Variants in OTUB2 observed in about 807,000 individuals in gnomAD.
The protein encoded by OTUB2 is ubiquitin thioesterase OTUB2.
OTUB2 carries 21 observed loss-of-function variants against 25.1 expected under a neutral mutation model. That is an observed-to-expected ratio of 0.84 (90% CI 0.59 to 1.21). The LOEUF is 1.21. OTUB2 is among the 50% of genes most tolerant of loss of function. The probability of loss-of-function intolerance (pLI) is 0.00; values close to 1 mark genes in which losing one functional copy is unlikely to be tolerated. For missense variants in OTUB2, 283 were observed against 298.0 expected (o/e 0.95, Z 0.37); for synonymous variants, 122 against 122.8 (o/e 0.99, Z 0.04).
rs115020671 is a variant in OTUB2, at chr14:94,033,562, T to C, written c.4-3818T>C. Among the ~76,000 whole-genome samples the C allele has an allele frequency of 3.7e-3, 566 of 152,370 alleles. 6 individuals are homozygous for C. Among genetic ancestry groups the C allele is most frequent in the African/African-American group, 0.013 (551 of 41,590 alleles). ...GTCCAAGCACAAGCAGTGTTAACTA[T>C]AGTTGTTCTACTTTTTGATCTATGA... On this transcript the variant is annotated intron_variant, in intron 1 of 5. Transcript: ENST00000203664.
intron 1 of OTUB2, among the ~76,000 whole-genome samples, 200 bp from the exon 2 acceptor site, chr14:94,037,180 C>G: frequency 6.6e-6 from 1 of 152,240 alleles, no homozygotes; most frequent in Non-Finnish European, 1.5e-5. Flanking sequence ...ACGATGGCCC[C>G]GACCCTGACT....
intron 3 of OTUB2, among the ~76,000 whole-genome samples, chr14:94,041,340 G>A (rs1885157707): frequency 6.6e-6 from 1 of 152,242 alleles, no homozygotes; most frequent in Admixed American, 6.5e-5. Flanking sequence ...GGTGTCTGGT[G>A]GGCAGTGGAG....
At chr14:94,026,615 G>T in intron 1 of OTUB2, 75 bp downstream of exon 1, 1 of 1,020,274 alleles carries the variant, frequency 9.8e-7, no homozygotes, top group Non-Finnish European at 1.3e-6. Flanking sequence ...CGGAGCGGGT[G>T]CACCCGCGGG....
At chr14:94,040,309 C>T (rs1885136995) in intron 3 of OTUB2, among the ~76,000 whole-genome samples, 1 of 152,224 alleles carries the variant, frequency 6.6e-6, no homozygotes. Context: ...CATTCCCCTC[C>T]CCAACTTTCT....
Position 94,043,964 on chromosome 14 carries a change from T to A in OTUB2, c.219-7T>A. On this transcript the variant is annotated splice_region_variant and splice_polypyrimidine_tract_variant and intron_variant, in intron 3 of 5. Coordinates refer to ENST00000203664, the MANE Select transcript of OTUB2 (RefSeq NM_023112.4). Reference sequence around the variant, plus strand: ...CCCTGTAAACACTCAGTCTTCCCCCTCTGTAGGTTCAAAGAACGCGTACTG... The same window carrying A: ...CCCTGTAAACACTCAGTCTTCCCCCACTGTAGGTTCAAAGAACGCGTACTG... 1 of 1,613,662 alleles carries A rather than the reference T, an allele frequency of 6.2e-7. No homozygotes were observed. Among genetic ancestry groups the A allele is most frequent in the Non-Finnish European group, 8.5e-7 (1 of 1,179,538 alleles).
At chr14:94,037,862 C>T (rs1039655156) in intron 2 of OTUB2, among the ~76,000 whole-genome samples, 2 of 152,204 alleles carry the variant, frequency 1.3e-5, no homozygotes, top group Admixed American at 1.3e-4. Flanking sequence ...GAGTCTCAAG[C>T]CACATTCATA....
intron 1 of OTUB2, among the ~76,000 whole-genome samples, chr14:94,034,732 C>T (rs1258855904): frequency 2.0e-5 from 3 of 152,216 alleles, no homozygotes; most frequent in African/African-American, 7.2e-5. Context: ...CTTTCAGCCT[C>T]ACGCTCGCAG....
At chr14:94,039,189 G>A (rs946320273) in intron 3 of OTUB2, 108 bp downstream of exon 3, 1 of 843,420 alleles carries the variant, frequency 1.2e-6, no homozygotes, top group African/African-American at 1.7e-5. Context: ...CCCAGAGAAT[G>A]AGCTGAAGAG....
chr14:94,043,936 T>G, intron 3 of OTUB2, 35 bp from the exon 4 acceptor site: 1 of 1,587,970 alleles, frequency 6.3e-7, no homozygotes, highest in Non-Finnish European at 8.6e-7. Context: ...TCTCGCTGTG[T>G]TTCCCTGTAA....
chr14:94,031,957 A>G (rs1884970474), intron 1 of OTUB2, among the ~76,000 whole-genome samples: 1 of 152,184 alleles, frequency 6.6e-6, no homozygotes, highest in East Asian at 1.9e-4. Flanking sequence ...TTTAAAAGCA[A>G]TCACGAATGA....
intron 1 of OTUB2, among the ~76,000 whole-genome samples, chr14:94,029,207 G>A (rs1466309575): frequency 6.6e-6 from 1 of 152,230 alleles, no homozygotes; most frequent in Admixed American, 6.5e-5. Context: ...AGTGGACACA[G>A]GGTTGGAGGT....
In OTUB2 at chr14:94,044,688, C is replaced by T. The variant is rs755006089; in HGVS notation, c.406C>T (p.Arg136Cys). 5.0e-6 allele frequency: 8 copies of T among 1,614,084 alleles called. No homozygotes were observed. The highest frequency in any genetic ancestry group is 2.2e-5 in the South Asian group (2 of 91,082). ...CTCGGACCACATCGTGCAGTTCCTG[C>T]GCCTGCTCACGTCGGCCTTCATCAG... is the stretch of plus-strand genomic sequence containing the variant. ...SASDHIVQFL[R>C]LLTSAFIRNR... Residue 136 changes from arginine (R) to cysteine (C), a missense_variant, in exon 5 of 6, where the codon CGC (arginine) becomes TGC (cysteine). Physicochemically the swap from Arg to Cys is radical, Grantham distance 180. Coordinates refer to ENST00000203664, the MANE Select transcript of OTUB2 (RefSeq NM_023112.4).
chr14:94,046,392 T>C lies in OTUB2; in HGVS notation c.*470T>C. On this transcript the variant is annotated 3_prime_UTR_variant, in exon 6 of 6. Coordinates refer to ENST00000203664, the MANE Select transcript of OTUB2 (RefSeq NM_023112.4). ...AGTCCAGTCCAGTCACTTGTTGGAC[T>C]GGGCTCTGACAGATGGCCTATTGAG... 5.4e-6 allele frequency: 1 copy of C among 185,190 alleles called. No homozygotes were observed. The highest frequency in any genetic ancestry group is 2.3e-5 in the African/African-American group (1 of 43,270). The allele number at this position is 185,190 out of a possible 1,614,324, so 11.5% of individuals were successfully genotyped here.
At chr14:94,028,630 GC>G (rs2141405896) in intron 1 of OTUB2, among the ~76,000 whole-genome samples, 1 of 152,358 alleles carries the variant, frequency 6.6e-6, no homozygotes, top group African/African-American at 2.4e-5. Flanking sequence ...TGTCAAACAG[GC>G]CCCCAGTGGG....
At chr14:94,032,227 C>T (rs757552463) in intron 1 of OTUB2, among the ~76,000 whole-genome samples, 11 of 152,154 alleles carry the variant, frequency 7.2e-5, no homozygotes, top group Non-Finnish European at 1.5e-4. Context: ...TGCGCTGGAG[C>T]TAGCCCAAGG....
rs778925998 is a variant in OTUB2, at chr14:94,044,743, T to C, written c.461T>C (p.Ile154Thr). The C allele has an allele frequency of 3.7e-6, 6 of 1,613,642 alleles. No homozygotes were observed. Among genetic ancestry groups the C allele is most frequent in the African/African-American group, 2.7e-5 (2 of 74,942 alleles). ...CGAGCAGACTTCTTCCGGCACTTCA[T>C]TGATGAGGAGATGGACATCAAAGAC... Reference protein sequence around the residue: ...RNRADFFRHFIDEEMDIKDFC... With the variant: ...RNRADFFRHFTDEEMDIKDFC... Residue 154 changes from isoleucine (I) to threonine (T), a missense_variant, in exon 5 of 6, where the codon ATT (isoleucine) becomes ACT (threonine). By Grantham distance (89) the Ile-to-Thr change is moderately conservative (BLOSUM62 -1). Coordinates refer to ENST00000203664, the MANE Select transcript of OTUB2 (RefSeq NM_023112.4).
chr14:94,045,926 A>G lies in OTUB2; in HGVS notation c.*4A>G, dbSNP rs1567054600. 1 of 1,613,514 alleles carries G rather than the reference A, an allele frequency of 6.2e-7. No homozygotes were observed. The highest frequency in any genetic ancestry group is 8.5e-7 in the Non-Finnish European group (1 of 1,179,412). ...TTATGCAGCCGATAAACATTGATTA[A>G]TTTTAGGCCATGCAGTGGAACCTGT... On this transcript the variant is annotated 3_prime_UTR_variant, in exon 6 of 6. Transcript: ENST00000203664.
intron 3 of OTUB2, among the ~76,000 whole-genome samples, chr14:94,041,966 G>T (rs1332700719): frequency 6.6e-6 from 1 of 152,226 alleles, no homozygotes; most frequent in Non-Finnish European, 1.5e-5. Context: ...TAGCGTCAGC[G>T]TCATGCATCC....
chr14:94,026,596 G>A (rs939723637), intron 1 of OTUB2, 56 bp downstream of exon 1: 246 of 1,206,556 alleles, frequency 2.0e-4, no homozygotes, highest in Non-Finnish European at 2.5e-4. Context: ...CGGTGGGCGG[G>A]GTCGCTGCCG....
Sources: allele counts gnomAD v4.1 joint callset (sites outside exome capture counted in the v4.1 genomes callset), GRCh38; gene constraint gnomAD v4.1.1; transcripts MANE v1.5; gene names NCBI Gene and HGNC (gene_info 2026-07-23, HGNC 2026-07-21).